Variants in LRMDA observed in about 807,000 individuals in gnomAD.
The protein encoded by LRMDA is leucine rich melanocyte differentiation associated.
A neutral mutation model predicts 29.8 loss-of-function variants in LRMDA; 18 were observed. That is an observed-to-expected ratio of 0.60 (90% CI 0.42 to 0.90). The LOEUF is 0.90. Ranked by LOEUF, LRMDA falls within the 40% of genes least tolerant of loss-of-function variation. The probability of loss-of-function intolerance (pLI) is 0.00; values close to 1 mark genes in which losing one functional copy is unlikely to be tolerated. For missense variants in LRMDA, 273 were observed against 273.9 expected (o/e 1.00, Z 0.02); for synonymous variants, 125 against 109.4 (o/e 1.14, Z -0.89).
chr10:76,216,133 T>G (rs1851724954), intron 5 of LRMDA, among the ~76,000 whole-genome samples: 1 of 152,128 alleles, frequency 6.6e-6, no homozygotes, highest in East Asian at 1.9e-4. Context: ...ACAGGAAGAT[T>G]GCTTAAGGCC....
At chr10:76,331,005 T>G (rs1840897973) in intron 6 of LRMDA, among the ~76,000 whole-genome samples, 2 of 152,204 alleles carry the variant, frequency 1.3e-5, no homozygotes, top group Admixed American at 6.5e-5. Context: ...GTGCCGTGGC[T>G]CACGCCTGTA....
chr10:76,110,476 G>T (rs556912975), intron 5 of LRMDA, among the ~76,000 whole-genome samples: 1 of 152,134 alleles, frequency 6.6e-6, no homozygotes, highest in African/African-American at 2.4e-5. Context: ...TTCAAACCTT[G>T]CACTGGCTTA....
intron 5 of LRMDA, among the ~76,000 whole-genome samples, chr10:76,186,634 A>T (rs1851155054): frequency 6.6e-6 from 1 of 152,188 alleles, no homozygotes; most frequent in African/African-American, 2.4e-5. Flanking sequence ...CATTAGGCTG[A>T]ACAGTAGCCA....
In LRMDA at chr10:76,488,875, G is replaced by A. The variant is rs111956629; in HGVS notation, c.602-68334G>A. Among the ~76,000 whole-genome samples, 330 of 151,916 alleles carry A rather than the reference G, an allele frequency of 2.2e-3. 3 individuals are homozygous for A. Among genetic ancestry groups the A allele is most frequent in the Middle Eastern group, 0.01 (3 of 294 alleles). ...TCATGATGAATGAAGTTTTCCATAT[G>A]TGGTTGAGTTTGGTTTACTAGTATT... On this transcript the variant is annotated intron_variant, in intron 6 of 6. Coordinates refer to ENST00000611255, the MANE Select transcript of LRMDA (RefSeq NM_001305581.2).
chr10:76,324,367 G>A (rs757188769), intron 5 of LRMDA, 34 bp from the exon 6 acceptor site: 1 of 1,594,052 alleles, frequency 6.3e-7, no homozygotes, highest in Admixed American at 1.7e-5. Flanking sequence ...GGTGTTTGGT[G>A]TTGCTTCATG....
chr10:76,246,097 C>T (rs1852370361), intron 5 of LRMDA, among the ~76,000 whole-genome samples: 2 of 152,164 alleles, frequency 1.3e-5, no homozygotes, highest in Admixed American at 6.6e-5. Context: ...GGAAACTCTA[C>T]CAAAGTTCAC....
chr10:75,645,182 C>T (rs566771244), intron 2 of LRMDA, among the ~76,000 whole-genome samples: 1 of 152,210 alleles, frequency 6.6e-6, no homozygotes, highest in Non-Finnish European at 1.5e-5. Flanking sequence ...GGAGTTTTGC[C>T]ATGTTGGCCA....
At chr10:76,485,234 C>T (rs1246736518) in intron 6 of LRMDA, among the ~76,000 whole-genome samples, 1 of 151,654 alleles carries the variant, frequency 6.6e-6, no homozygotes, top group Non-Finnish European at 1.5e-5. Context: ...TTCTGCCTGC[C>T]CTATTTTTGA....
intron 2 of LRMDA, among the ~76,000 whole-genome samples, chr10:75,954,640 A>T (rs1846634345): frequency 6.6e-6 from 1 of 152,170 alleles, no homozygotes. Context: ...TCAGCAAACC[A>T]CTGAACGGCC....
chr10:75,628,492 C>T (rs911293542), intron 2 of LRMDA, among the ~76,000 whole-genome samples: 2 of 152,182 alleles, frequency 1.3e-5, no homozygotes, highest in African/African-American at 4.8e-5. Context: ...CAGCTATGAA[C>T]CTGATTGCAC....
intron 2 of LRMDA, among the ~76,000 whole-genome samples, chr10:75,459,344 GA>G (rs1016524741): frequency 1.9e-4 from 29 of 152,286 alleles, no homozygotes; most frequent in African/African-American, 6.5e-4. Context: ...GCTGAGGTGG[GA>G]GGATTGCTTG....
At chr10:75,744,536 T>C (rs1842868191) in intron 2 of LRMDA, among the ~76,000 whole-genome samples, 1 of 152,054 alleles carries the variant, frequency 6.6e-6, no homozygotes, top group Non-Finnish European at 1.5e-5. Context: ...CTCATCAGAG[T>C]TAGTGTTTTA....
intron 2 of LRMDA, among the ~76,000 whole-genome samples, chr10:75,955,601 C>A (rs184858737): frequency 2.0e-5 from 3 of 152,362 alleles, no homozygotes; most frequent in African/African-American, 7.2e-5. Flanking sequence ...TATTTACCTG[C>A]TTTGGCAGTC....
intron 2 of LRMDA, among the ~76,000 whole-genome samples, chr10:75,961,026 T>C (rs1307557254): frequency 6.6e-6 from 1 of 152,148 alleles, no homozygotes; most frequent in Non-Finnish European, 1.5e-5. Flanking sequence ...GTGTTTCTGT[T>C]GTGTAAGAGG....
intron 2 of LRMDA, among the ~76,000 whole-genome samples, chr10:75,586,754 AT>A (rs1840661277): frequency 6.6e-6 from 1 of 150,742 alleles, no homozygotes; most frequent in Non-Finnish European, 1.5e-5. Flanking sequence ...TTCATTGGTC[AT>A]TTATATGCTG....
intron 5 of LRMDA, among the ~76,000 whole-genome samples, chr10:76,300,881 C>T (rs770615408): frequency 5.3e-5 from 8 of 152,302 alleles, no homozygotes; most frequent in Middle Eastern, 3.4e-3. Context: ...GTTCTATCTG[C>T]CCCACCATCT....
intron 2 of LRMDA, among the ~76,000 whole-genome samples, chr10:75,633,381 T>C (rs530252940): frequency 6.6e-6 from 1 of 152,228 alleles, no homozygotes; most frequent in South Asian, 2.1e-4. Context: ...TCCTCTTTGA[T>C]AGTGTTTGTA....
intron 2 of LRMDA, among the ~76,000 whole-genome samples, chr10:75,756,013 A>G (rs996148970): frequency 2.6e-5 from 4 of 152,238 alleles, no homozygotes; most frequent in African/African-American, 9.6e-5. Context: ...TATGTACTAG[A>G]TGTTTCTTTG....
At chr10:75,891,941 C>A (rs1474965651) in intron 2 of LRMDA, among the ~76,000 whole-genome samples, 1 of 152,092 alleles carries the variant, frequency 6.6e-6, no homozygotes, top group Non-Finnish European at 1.5e-5. Context: ...TGAGAGGACC[C>A]CTGTGGGGAG....
Sources: allele counts gnomAD v4.1 joint callset (sites outside exome capture counted in the v4.1 genomes callset), GRCh38; gene constraint gnomAD v4.1.1; transcripts MANE v1.5; gene names NCBI Gene and HGNC (gene_info 2026-07-23, HGNC 2026-07-21).